Variants in CYP2U1 observed in about 807,000 individuals in gnomAD.
CYP2U1 encodes cytochrome P450 2U1.
A neutral mutation model predicts 42.8 loss-of-function variants in CYP2U1; 28 were observed. That is an observed-to-expected ratio of 0.65 (90% CI 0.48 to 0.90). CYP2U1 has a LOEUF of 0.90. Ranked by LOEUF, CYP2U1 falls within the 40% of genes least tolerant of loss-of-function variation. CYP2U1 has a pLI of 0.00. For missense variants in CYP2U1, 642 were observed against 693.8 expected (o/e 0.93, Z 0.84); for synonymous variants, 296 against 278.9 (o/e 1.06, Z -0.61).
intron 1 of CYP2U1, among the ~76,000 whole-genome samples, chr4:107,942,259 T>C (rs1174361833): frequency 6.6e-6 from 1 of 152,118 alleles, no homozygotes; most frequent in Non-Finnish European, 1.5e-5. Flanking sequence ...ACAACTTAGC[T>C]GCCAGTCACC....
At chr4:107,935,066 A>G (rs1382452909) in intron 1 of CYP2U1, among the ~76,000 whole-genome samples, 1 of 152,254 alleles carries the variant, frequency 6.6e-6, no homozygotes, top group East Asian at 1.9e-4. Flanking sequence ...GCATACAAGC[A>G]TCTATTGATG....
At chr4:107,934,157 G>A (rs149439622) in intron 1 of CYP2U1, among the ~76,000 whole-genome samples, 18 of 144,832 alleles carry the variant, frequency 1.2e-4, no homozygotes, top group African/African-American at 4.1e-4. Context: ...ATTTCTCCAC[G>A]TCCTCACCAA....
At chr4:107,945,753 T>C (rs1183323004) in intron 2 of CYP2U1, 148 bp downstream of exon 2, 3 of 1,109,172 alleles carry the variant, frequency 2.7e-6, no homozygotes, top group Non-Finnish European at 3.8e-6. Context: ...GTTGGTAAGA[T>C]GTTAACAGTG....
At chr4:107,932,206 TC>T in intron 1 of CYP2U1, 73 bp downstream of exon 1, 2 of 1,498,804 alleles carry the variant, frequency 1.3e-6, no homozygotes, top group Non-Finnish European at 1.8e-6. Context: ...GGGCTGCAGT[TC>T]CTGTGCCCCT....
intron 3 of CYP2U1, among the ~76,000 whole-genome samples, chr4:107,948,524 A>G (rs11947872): frequency 0.63 from 95,836 of 151,872 alleles, 30,824 homozygotes; most frequent in African/African-American, 0.75. Flanking sequence ...CCAAGATTGC[A>G]CCACTGCACT....
Position 107,950,276 on chromosome 4 carries a change from A to C in CYP2U1, c.1488A>C (p.Ala496=), listed in dbSNP as rs1560704389. ...GKRVCMGEQL[A]KMELFLMFVS... ...GGGTGTGTATGGGAGAACAACTGGC[A>C]AAGATGGAATTATTCCTAATGTTTG... is the stretch of plus-strand genomic sequence containing the variant. The change falls in exon 5 of 5, where the codon GCA becomes GCC. Residue 496 remains alanine (A), a synonymous_variant. Coordinates refer to ENST00000332884, the MANE Select transcript of CYP2U1 (RefSeq NM_183075.3). The C allele has an allele frequency of 1.2e-6, 2 of 1,612,990 alleles. No individual in the cohort carries two copies. Among genetic ancestry groups the C allele is most frequent in the Non-Finnish European group, 8.5e-7 (1 of 1,179,714 alleles).
chr4:107,947,590 A>C (rs1733746652), intron 3 of CYP2U1, 53 bp downstream of exon 3: 1 of 1,590,882 alleles, frequency 6.3e-7, no homozygotes, highest in Admixed American at 1.7e-5. Flanking sequence ...AGGGCCCTCT[A>C]ATCCAGGGTA....
Position 107,947,395 on chromosome 4 carries a change from T to A in CYP2U1, c.1146T>A (p.Ile382=). The change falls in exon 3 of 5, where the codon ATT becomes ATA. Residue 382 remains isoleucine, a synonymous_variant. Transcript: ENST00000332884. ...ACATAGAAAAGGTTCATGAAGAAAT[T>A]GAAAGAGTCATTGGCGCCAACCGAG... The part of the protein sequence containing the change: ...PDVQEKVHEE[I]ERVIGANRAP... The A allele has an allele frequency of 6.2e-7, 1 of 1,614,138 alleles. No individual in the cohort carries two copies. The highest frequency in any genetic ancestry group is 1.1e-5 in the South Asian group (1 of 91,080).
chr4:107,944,126 T>C (rs1166959725), intron 1 of CYP2U1, among the ~76,000 whole-genome samples: 4 of 152,170 alleles, frequency 2.6e-5, no homozygotes, highest in Non-Finnish European at 5.9e-5. Flanking sequence ...AGCTAATATT[T>C]AACAACCTCT....
At chr4:107,944,494 T>C (rs1733611851) in intron 1 of CYP2U1, among the ~76,000 whole-genome samples, 2 of 150,342 alleles carry the variant, frequency 1.3e-5, no homozygotes, top group Non-Finnish European at 3.0e-5. Flanking sequence ...TAAATAGAGA[T>C]GGGGTCTTGT....
intron 1 of CYP2U1, among the ~76,000 whole-genome samples, chr4:107,934,768 T>G (rs992596036): frequency 1.3e-5 from 2 of 152,238 alleles, no homozygotes; most frequent in Admixed American, 6.5e-5. Flanking sequence ...GATGTTTGTC[T>G]TCTTTGGGCC....
At position 107,931,622 on chromosome 4, in the gene CYP2U1, C is replaced by G; in HGVS notation, c.-22C>G. 5 of 1,251,262 alleles carry G rather than the reference C, an allele frequency of 4.0e-6. No individual in the cohort carries two copies. The highest frequency in any genetic ancestry group is 5.0e-6 in the Non-Finnish European group (5 of 1,001,626). 77.5% of individuals were successfully genotyped at this position (1,251,262 alleles called of 1,614,324 possible). A position where few individuals can be genotyped will look rare whatever the true frequency, so the allele number is the denominator to read the frequency against. On this transcript the variant is annotated 5_prime_UTR_variant, in exon 1 of 5. Coordinates refer to ENST00000332884, the MANE Select transcript of CYP2U1 (RefSeq NM_183075.3). ...TCTCCTCCAGGCAGCAAGGGGAACCCGAGGCCGCCGGCGCCCGGACCATGT... is the reference window on the plus strand; with the variant it reads ...TCTCCTCCAGGCAGCAAGGGGAACCGGAGGCCGCCGGCGCCCGGACCATGT...
intron 1 of CYP2U1, chr4:107,941,237 A>G (rs1330759502): frequency 6.6e-6 from 1 of 152,026 alleles, no homozygotes; most frequent in Non-Finnish European, 1.5e-5. Flanking sequence ...AACAGCATAT[A>G]TATATATAAA....
At chr4:107,935,421 G>A (rs1034308184) in intron 1 of CYP2U1, among the ~76,000 whole-genome samples, 94 of 152,176 alleles carry the variant, frequency 6.2e-4, no homozygotes, top group African/African-American at 2.2e-3. Flanking sequence ...TGTTTTGGGT[G>A]AATGTGCTGT....
At chr4:107,936,466 C>T (rs1733271398) in intron 1 of CYP2U1, 1 of 152,642 alleles carries the variant, frequency 6.6e-6, no homozygotes, top group East Asian at 1.9e-4. Flanking sequence ...TTCTCTCTCT[C>T]TCTCTTTCAT....
intron 1 of CYP2U1, among the ~76,000 whole-genome samples, chr4:107,932,799 A>G (rs563603396): frequency 1.3e-5 from 2 of 152,310 alleles, no homozygotes; most frequent in South Asian, 2.1e-4. Flanking sequence ...ACTCCTACGC[A>G]TCAGTCAGGT....
rs1268817129 is a variant in CYP2U1 at position 107,951,998 on chromosome 4, A to G, written c.*1575A>G. Reference sequence around the variant, plus strand: ...CTTGATTCTGCCACCACTTGATCCCATAACAGGCTACCCCTTGGCCTCATG... The same window carrying G: ...CTTGATTCTGCCACCACTTGATCCCGTAACAGGCTACCCCTTGGCCTCATG... On this transcript the variant is annotated 3_prime_UTR_variant, in exon 5 of 5. Coordinates refer to ENST00000332884, the MANE Select transcript of CYP2U1 (RefSeq NM_183075.3). 1 of 152,250 alleles carries G rather than the reference A, an allele frequency of 6.6e-6. No individual in the cohort carries two copies. The highest frequency in any genetic ancestry group is 1.5e-5 in the Non-Finnish European group (1 of 68,052). 9.4% of individuals were successfully genotyped at this position (152,250 alleles called of 1,614,324 possible). A position where few individuals can be genotyped will look rare whatever the true frequency, so the allele number is the denominator to read the frequency against.
intron 3 of CYP2U1, among the ~76,000 whole-genome samples, chr4:107,948,968 G>T (rs2126202320): frequency 6.6e-6 from 1 of 152,148 alleles, no homozygotes; most frequent in South Asian, 2.1e-4. Context: ...TCATTACATT[G>T]TTATATGGAC....
rs937730453 is a variant in CYP2U1 at position 107,931,613 on chromosome 4, A to G, written c.-31A>G. 8.0e-6 allele frequency: 10 copies of G among 1,249,380 alleles called. No individual in the cohort carries two copies. The highest frequency in any genetic ancestry group is 9.0e-6 in the Non-Finnish European group (9 of 1,000,358). 77.4% of individuals were successfully genotyped at this position (1,249,380 alleles called of 1,614,324 possible). A position where few individuals can be genotyped will look rare whatever the true frequency, so the allele number is the denominator to read the frequency against. Reference sequence around the variant, plus strand: ...GCGTGCGCGTCTCCTCCAGGCAGCAAGGGGAACCCGAGGCCGCCGGCGCCC... The same window carrying G: ...GCGTGCGCGTCTCCTCCAGGCAGCAGGGGGAACCCGAGGCCGCCGGCGCCC... On this transcript the variant is annotated 5_prime_UTR_variant, in exon 1 of 5. Coordinates refer to ENST00000332884, the MANE Select transcript of CYP2U1 (RefSeq NM_183075.3).
Sources: allele counts gnomAD v4.1 joint callset (sites outside exome capture counted in the v4.1 genomes callset), GRCh38; gene constraint gnomAD v4.1.1; transcripts MANE v1.5; gene names NCBI Gene and HGNC (gene_info 2026-07-23, HGNC 2026-07-21).